Variants in NCOA2 observed in about 807,000 individuals in gnomAD.
The protein encoded by NCOA2 is class E basic helix-loop-helix protein 75.
Under a neutral mutation model 145.1 loss-of-function variants are expected in NCOA2, and 21 were observed. The observed-to-expected ratio is 0.14, with a 90% confidence interval of 0.10 to 0.21. NCOA2 has a LOEUF of 0.21. NCOA2 is among the 10% of genes least tolerant of loss of function. The pLI, the probability that NCOA2 is intolerant of heterozygous loss-of-function variation, is 1.00. For missense variants in NCOA2, 1,472 were observed against 1,837.6 expected, an observed-to-expected ratio of 0.80 and a Z score of 3.64; for synonymous variants, 619 against 637.5, an observed-to-expected ratio of 0.97 and a Z score of 0.44.
intron 13 of NCOA2, among the ~76,000 whole-genome samples, chr8:70,142,081 T>A (rs1391027161): frequency 6.6e-6 from 1 of 152,172 alleles, no homozygotes; most frequent in Non-Finnish European, 1.5e-5. Context: ...TGACCACACA[T>A]AAGAGCGTAA....
chr8:70,146,538 A>G (rs977876316), intron 12 of NCOA2, among the ~76,000 whole-genome samples: 1 of 152,210 alleles, frequency 6.6e-6, no homozygotes, highest in East Asian at 1.9e-4. Context: ...GAGAATGGAA[A>G]TTATGTGCGT....
chr8:70,117,966 G>A (rs1013547053), intron 22 of NCOA2, among the ~76,000 whole-genome samples: 6 of 152,220 alleles, frequency 3.9e-5, no homozygotes, highest in African/African-American at 1.4e-4. Flanking sequence ...CATGGCAGCT[G>A]AAGAAAGAGC....
intron 10 of NCOA2, among the ~76,000 whole-genome samples, chr8:70,159,244 T>TATATATATATATATGTATATGTATATATA: frequency 1.4e-5 from 1 of 69,304 alleles, no homozygotes; most frequent in Non-Finnish European, 2.9e-5. Flanking sequence ...ATATATATAT[T>TATATATATATATATGTATATGTATATATA]TTTTTTTTTT....
At chr8:70,360,812 C>A (rs1810129225) in intron 1 of NCOA2, among the ~76,000 whole-genome samples, 1 of 151,882 alleles carries the variant, frequency 6.6e-6, no homozygotes, top group Non-Finnish European at 1.5e-5. Context: ...GTAGCCCATG[C>A]CTGTAATTCC....
At chr8:70,227,976 G>T (rs1332661643) in intron 2 of NCOA2, among the ~76,000 whole-genome samples, 1 of 137,242 alleles carries the variant, frequency 7.3e-6, no homozygotes, top group Non-Finnish European at 1.5e-5. Flanking sequence ...TTGCACTCCA[G>T]CCTGGGCGAC....
chr8:70,293,623 A>T (rs534357525), intron 2 of NCOA2, among the ~76,000 whole-genome samples: 12 of 152,354 alleles, frequency 7.9e-5, no homozygotes, highest in Middle Eastern at 3.4e-3. Flanking sequence ...AACACAGAGA[A>T]AACTTATAAA....
At chr8:70,191,117 C>T (rs1308673449) in intron 4 of NCOA2, among the ~76,000 whole-genome samples, 7 of 152,098 alleles carry the variant, frequency 4.6e-5, no homozygotes, top group African/African-American at 2.4e-5. Context: ...AATGACTTCT[C>T]CCACTCTCAC....
intron 1 of NCOA2, among the ~76,000 whole-genome samples, chr8:70,379,599 C>T (rs889297303): frequency 1.3e-5 from 2 of 152,062 alleles, no homozygotes; most frequent in African/African-American, 4.8e-5. Flanking sequence ...AAGACAGTAT[C>T]TGGGAAAAAT....
intron 1 of NCOA2, among the ~76,000 whole-genome samples, chr8:70,372,924 T>C (rs1442522149): frequency 6.6e-6 from 1 of 152,254 alleles, no homozygotes; most frequent in Non-Finnish European, 1.5e-5. Flanking sequence ...CTCATCCATA[T>C]GGTGTTAGTT....
At chr8:70,420,271 C>T in the NCOA2 span, among the ~76,000 whole-genome samples, 1 of 152,206 alleles carries the variant, frequency 6.6e-6, no homozygotes, top group South Asian at 2.1e-4. Context: ...CCCAACTGGA[C>T]TTATTTTACA....
At chr8:70,435,122 C>T in the NCOA2 span, among the ~76,000 whole-genome samples, 1 of 152,088 alleles carries the variant, frequency 6.6e-6, no homozygotes, top group Non-Finnish European at 1.5e-5. Flanking sequence ...TCAATTTCTG[C>T]TCTCATTAAG....
At chr8:70,443,778 C>A in the NCOA2 span, among the ~76,000 whole-genome samples, 1 of 152,062 alleles carries the variant, frequency 6.6e-6, no homozygotes, top group South Asian at 2.1e-4. Context: ...TGCTATATTG[C>A]CCCCCAGGCT....
intron 1 of NCOA2, among the ~76,000 whole-genome samples, chr8:70,369,932 C>T (rs1811060848): frequency 6.6e-6 from 1 of 151,518 alleles, no homozygotes; most frequent in African/African-American, 2.4e-5. Context: ...GACAGGGTTT[C>T]ATTCTGTCGC....
rs746595971 is a variant in NCOA2 at position 70,148,294 on chromosome 8, C to T, written c.2584G>A (p.Ala862Thr). 10 of 1,613,836 alleles carry T rather than the reference C, an allele frequency of 6.2e-6. No individual in the cohort carries two copies. In the African/African-American group the frequency reaches 1.2e-4, roughly 19 times the overall value. ...TCACTGCTCTGTGAAATTCGCAGTG[C>T]TGTTTTCTGGGCTCCAACAGGTGTG... ...PVTPVGAQKTALRISQSTFNN... is the reference protein window; with the variant it reads ...PVTPVGAQKTTLRISQSTFNN... The change falls in exon 12 of 23, where the codon GCA becomes ACA. Residue 862 changes from alanine to threonine, a missense_variant. Ala to Thr is a moderately conservative substitution (Grantham distance 58). This residue lies in a region of NCOA2 where 953 missense variants were observed against 1,062.1 expected (regional missense o/e 0.90). Transcript: ENST00000452400.
chr8:70,254,343 C>T (rs865937441), intron 2 of NCOA2, among the ~76,000 whole-genome samples: 3 of 152,134 alleles, frequency 2.0e-5, no homozygotes, highest in Non-Finnish European at 4.4e-5. Flanking sequence ...TTTCAAAAAA[C>T]ATGATCCTGC....
In NCOA2 at chr8:70,297,905, T is replaced by G. The variant is rs1354540617; in HGVS notation, c.-76-1105A>C. Among the ~76,000 whole-genome samples, 3 of 152,310 alleles carry G rather than the reference T, an allele frequency of 2.0e-5. No individual in the cohort carries two copies. In the East Asian group the frequency reaches 5.8e-4, roughly 29 times the overall value. The stretch of plus-strand genomic sequence containing the variant: ...ACAAGAAGTATGTGCTTACGGCATT[T>G]TATGTATATTAATATTTACTGCTTT... On this transcript the variant is annotated intron_variant, in intron 1 of 22. Transcript: ENST00000452400.
chr8:70,124,193 C>A (rs1473253866), intron 20 of NCOA2, 111 bp from the exon 21 acceptor site: 6 of 1,004,174 alleles, frequency 6.0e-6, no homozygotes, highest in African/African-American at 4.8e-5. Flanking sequence ...TAAACCTGAA[C>A]TGCATGAACC....
the NCOA2 span, among the ~76,000 whole-genome samples, chr8:70,437,069 C>T: frequency 2.0e-3 from 306 of 152,366 alleles, no homozygotes; most frequent in Admixed American, 0.017. Flanking sequence ...GAACATGTTC[C>T]TGTCCTTTCT....
chr8:70,387,186 G>A (rs1487726889), intron 1 of NCOA2, among the ~76,000 whole-genome samples: 1 of 152,114 alleles, frequency 6.6e-6, no homozygotes, highest in Non-Finnish European at 1.5e-5. Context: ...ACCTACTGTA[G>A]ACAGAGTCTT....
Sources: allele counts gnomAD v4.1 joint callset (sites outside exome capture counted in the v4.1 genomes callset), GRCh38; gene constraint gnomAD v4.1.1; regional missense constraint gnomAD v4.1.1; transcripts MANE v1.5; gene names NCBI Gene and HGNC (gene_info 2026-07-23, HGNC 2026-07-21).